SLC2A9: variants seen among roughly 807,000 people sequenced by gnomAD.
SLC2A9 encodes the protein solute carrier family 2, facilitated glucose transporter member 9.
In SLC2A9, 39 loss-of-function variants were observed where a neutral mutation model predicts 50.6. The ratio of observed to expected loss-of-function variants is 0.77; its 90% CI spans 0.60 to 1.01. SLC2A9 has a LOEUF of 1.01. Among genes scored for constraint, SLC2A9 ranks in the 50% least tolerant of loss-of-function variants. SLC2A9 has a pLI of 0.00. For missense variants in SLC2A9, 686 were observed against 677.6 expected (o/e 1.01, Z -0.14); for synonymous variants, 324 against 276.9 (o/e 1.17, Z -1.69).
chr4:9,970,129 C>T (rs1221378951), intron 5 of SLC2A9, among the ~76,000 whole-genome samples: 3 of 152,256 alleles, frequency 2.0e-5, no homozygotes, highest in Admixed American at 6.5e-5. Flanking sequence ...CACACACTCC[C>T]GCTAGGGAAC....
intron 1 of SLC2A9, among the ~76,000 whole-genome samples, chr4:10,032,893 G>A (rs1763979466): frequency 6.6e-6 from 1 of 152,198 alleles, no homozygotes; most frequent in Admixed American, 6.5e-5. Flanking sequence ...GGCAAGTTAT[G>A]TAACCAAGCT....
At chr4:9,939,005 T>A (rs1306791915) in intron 6 of SLC2A9, among the ~76,000 whole-genome samples, 1 of 152,178 alleles carries the variant, frequency 6.6e-6, no homozygotes, top group South Asian at 2.1e-4. Flanking sequence ...TCCCTACGTT[T>A]ATGTCCTCTA....
At chr4:9,896,888 A>G (rs150753955) in intron 8 of SLC2A9, among the ~76,000 whole-genome samples, 169 of 152,274 alleles carry the variant, frequency 1.1e-3, no homozygotes, top group African/African-American at 3.7e-3. Context: ...ATTCTGTTCC[A>G]TTGATCTGTG....
intron 3 of SLC2A9, among the ~76,000 whole-genome samples, chr4:9,992,379 G>C (rs149265096): frequency 6.6e-6 from 1 of 152,154 alleles, no homozygotes; most frequent in African/African-American, 2.4e-5. Flanking sequence ...TTTGCTGTGG[G>C]GGTTGTCCCG....
intron 5 of SLC2A9, among the ~76,000 whole-genome samples, chr4:9,946,941 G>A (rs142509703): frequency 1.6e-3 from 236 of 152,228 alleles, no homozygotes; most frequent in African/African-American, 5.1e-3. Context: ...AAAATCAACT[G>A]AATTGAATGG....
At chr4:9,940,124 G>T (rs1396761986) in intron 6 of SLC2A9, among the ~76,000 whole-genome samples, 1 of 152,174 alleles carries the variant, frequency 6.6e-6, no homozygotes, top group Non-Finnish European at 1.5e-5. Context: ...AGGGGGTGCG[G>T]GTTACCCTCC....
At chr4:9,961,214 C>G (rs768347733) in intron 5 of SLC2A9, among the ~76,000 whole-genome samples, 5 of 151,946 alleles carry the variant, frequency 3.3e-5, no homozygotes, top group African/African-American at 4.8e-5. Context: ...TTGGAGTGAC[C>G]CAGCCAAAGC....
Position 9,826,464 on chromosome 4 carries a change from T to G in SLC2A9, c.1556A>C (p.Lys519Thr). ...EISQAFSKRN[K>T]AYPPEEKIDS... Reference sequence around the variant, plus strand: ...GATTTTCTCTTCTGGTGGGTATGCTTTGTTCCTTTTGGAAAATGCCTGGCT... The same window carrying G: ...GATTTTCTCTTCTGGTGGGTATGCTGTGTTCCTTTTGGAAAATGCCTGGCT... Residue 519 changes from lysine to threonine, a missense_variant, in exon 12 of 12, where the codon AAA (lysine) becomes ACA (threonine). Coordinates refer to ENST00000264784, the MANE Select transcript of SLC2A9 (RefSeq NM_020041.3). 1 of 1,614,090 alleles carries G rather than the reference T, an allele frequency of 6.2e-7. No homozygotes were observed. Among genetic ancestry groups the G allele is most frequent in the South Asian group, 1.1e-5 (1 of 91,084 alleles).
At chr4:10,001,334 G>A (rs1272184814) in intron 2 of SLC2A9, among the ~76,000 whole-genome samples, 1 of 152,188 alleles carries the variant, frequency 6.6e-6, no homozygotes, top group Non-Finnish European at 1.5e-5. Context: ...TGTGGAGATA[G>A]ACAGGCACAG....
At chr4:9,902,411 C>G (rs1322811972) in intron 8 of SLC2A9, among the ~76,000 whole-genome samples, 2 of 152,342 alleles carry the variant, frequency 1.3e-5, no homozygotes, top group African/African-American at 4.8e-5. Flanking sequence ...TGAGAGGTAG[C>G]AGGGCAGCTT....
intron 3 of SLC2A9, among the ~76,000 whole-genome samples, chr4:9,813,084 T>C (rs567184807): frequency 6.6e-6 from 1 of 152,312 alleles, no homozygotes; most frequent in South Asian, 2.1e-4. Context: ...TATAATGATC[T>C]GAACTCCCAG....
intron 3 of SLC2A9, among the ~76,000 whole-genome samples, chr4:9,793,494 C>T (rs1374576020): frequency 6.6e-6 from 1 of 152,176 alleles, no homozygotes; most frequent in Non-Finnish European, 1.5e-5. Flanking sequence ...AAGTTGATGA[C>T]ATTTATGCTT....
chr4:9,829,065 G>A (rs1036084606), intron 11 of SLC2A9, among the ~76,000 whole-genome samples: 1 of 152,082 alleles, frequency 6.6e-6, no homozygotes, highest in Non-Finnish European at 1.5e-5. Context: ...GGACCTGATG[G>A]GTGTCGTGAG....
intron 10 of SLC2A9, among the ~76,000 whole-genome samples, chr4:9,854,578 G>C (rs550220448): frequency 1.5e-4 from 23 of 152,156 alleles, no homozygotes; most frequent in Non-Finnish European, 2.8e-4. Flanking sequence ...AAAAAATTGA[G>C]AAGGATGGAA....
At chr4:9,923,573 G>A (rs183981496) in intron 6 of SLC2A9, among the ~76,000 whole-genome samples, 1 of 152,256 alleles carries the variant, frequency 6.6e-6, no homozygotes, top group African/African-American at 2.4e-5. Flanking sequence ...GCACGGCATG[G>A]CACGGCTCAC....
At chr4:9,982,046 T>G (rs1044929726) in intron 4 of SLC2A9, among the ~76,000 whole-genome samples, 2 of 152,190 alleles carry the variant, frequency 1.3e-5, no homozygotes, top group African/African-American at 4.8e-5. Flanking sequence ...CACGCCCAGC[T>G]AATTTTTGTA....
upstream of SLC2A9, among the ~76,000 whole-genome samples, chr4:10,021,916 T>C (rs1170452324): frequency 1.3e-5 from 2 of 151,756 alleles, no homozygotes; most frequent in Non-Finnish European, 1.5e-5. Context: ...CTCTGCTCAC[T>C]GCAACCTCCG....
At chr4:9,962,698 C>A (rs757539643) in intron 5 of SLC2A9, among the ~76,000 whole-genome samples, 1 of 152,062 alleles carries the variant, frequency 6.6e-6, no homozygotes, top group Non-Finnish European at 1.5e-5. Flanking sequence ...GCACACCCTG[C>A]GCATATACCC....
At chr4:9,868,825 C>T (rs138102553) in intron 10 of SLC2A9, among the ~76,000 whole-genome samples, 1 of 152,160 alleles carries the variant, frequency 6.6e-6, no homozygotes, top group East Asian at 1.9e-4. Flanking sequence ...ATTGAGATAA[C>T]TAAGTCAGTT....
Sources: gnomAD v4.1 joint callset for allele counts (sites outside exome capture counted in the v4.1 genomes callset) on GRCh38, gnomAD v4.1.1 for gene constraint, MANE v1.5 for transcripts, NCBI Gene and HGNC (gene_info 2026-07-23, HGNC 2026-07-21) for gene names.